Variants in COMMD10 observed in about 807,000 individuals in gnomAD.
COMMD10 encodes COMM domain-containing protein 10.
COMMD10 carries 33 observed loss-of-function variants against 28.9 expected under a neutral mutation model. That is an observed-to-expected ratio of 1.14 (90% CI 0.87 to 1.53). The LOEUF (loss-of-function observed/expected upper bound fraction) is 1.53, where lower values mean the gene tolerates loss of function less well. COMMD10 is among the 40% of genes most tolerant of loss of function. The pLI, the probability that COMMD10 is intolerant of heterozygous loss-of-function variation, is 0.00. For missense variants in COMMD10, 310 were observed against 233.4 expected, an observed-to-expected ratio of 1.33 and a Z score of -2.14; for synonymous variants, 110 against 81.7, an observed-to-expected ratio of 1.35 and a Z score of -1.87.
intron 4 of COMMD10, among the ~76,000 whole-genome samples, chr5:116,095,671 T>C (rs1223070900): frequency 6.6e-6 from 1 of 152,132 alleles, no homozygotes; most frequent in Non-Finnish European, 1.5e-5. Context: ...TTCATGAACC[T>C]ACTTCTGGTT....
intron 5 of COMMD10, among the ~76,000 whole-genome samples, chr5:116,214,161 C>G (rs1484777184): frequency 6.6e-6 from 1 of 151,996 alleles, no homozygotes; most frequent in South Asian, 2.1e-4. Flanking sequence ...CTTTCTGGAC[C>G]TTTGTATTGC....
chr5:116,128,693 A>G (rs569222464), intron 4 of COMMD10, among the ~76,000 whole-genome samples: 73 of 151,984 alleles, frequency 4.8e-4, no homozygotes, highest in Non-Finnish European at 7.1e-4. Context: ...AATGCCTACT[A>G]TAGGTCTGGC....
intron 5 of COMMD10, among the ~76,000 whole-genome samples, chr5:116,152,468 C>G (rs1248173485): frequency 6.6e-6 from 1 of 152,050 alleles, no homozygotes; most frequent in African/African-American, 2.4e-5. Context: ...ACTATATCAT[C>G]ATCCTCAATT....
At chr5:116,287,830 A>G (rs542573942) in intron 5 of COMMD10, among the ~76,000 whole-genome samples, 1 of 151,818 alleles carries the variant, frequency 6.6e-6, no homozygotes, top group African/African-American at 2.4e-5. Flanking sequence ...CTAATCACAT[A>G]TGAAAACTTT....
rs929920771 is a variant in COMMD10 at position 116,192,266 on chromosome 5, C to T, written c.510+58088C>T. Among the ~76,000 whole-genome samples, 115 of 120,232 alleles carry T rather than the reference C, an allele frequency of 9.6e-4. 3 individuals carry two copies. The South Asian group carries it at 0.028, about 30-fold the overall frequency. 78.9% of individuals were successfully genotyped at this position (120,232 alleles called of 152,430 possible). A position where few individuals can be genotyped will look rare whatever the true frequency, so the allele number is the denominator to read the frequency against. ...ACAAAAGAAGGCTCTTTAACAACCC[C>T]CCCCCCCAAAAATAACACTAGTTCA... On this transcript the variant is annotated intron_variant, in intron 5 of 6. Transcript: ENST00000274458.
intron 5 of COMMD10, among the ~76,000 whole-genome samples, chr5:116,189,616 G>T (rs1369330450): frequency 1.3e-5 from 2 of 152,176 alleles, no homozygotes. Context: ...TGGAAAAATT[G>T]GCCTTAATCC....
intron 4 of COMMD10, among the ~76,000 whole-genome samples, chr5:116,123,420 G>A (rs191911104): frequency 9.2e-5 from 14 of 152,188 alleles, no homozygotes; most frequent in East Asian, 1.9e-4. Flanking sequence ...GGATGAAGCC[G>A]ACTTGATTGT....
chr5:116,194,498 A>T (rs1748456109), intron 5 of COMMD10, among the ~76,000 whole-genome samples: 1 of 152,280 alleles, frequency 6.6e-6, no homozygotes, highest in East Asian at 1.9e-4. Flanking sequence ...TACAACTGAC[A>T]CTCCTGAACT....
chr5:116,199,969 C>T (rs1748622975), intron 5 of COMMD10, among the ~76,000 whole-genome samples: 1 of 150,498 alleles, frequency 6.6e-6, no homozygotes. Flanking sequence ...TTACTCTACT[C>T]TTTTTGTATT....
chr5:116,271,118 A>T (rs1043182415), intron 5 of COMMD10, among the ~76,000 whole-genome samples: 4 of 151,076 alleles, frequency 2.6e-5, no homozygotes, highest in Non-Finnish European at 2.9e-5. Flanking sequence ...CTAGAAATAT[A>T]TGATCATAAA....
intron 4 of COMMD10, among the ~76,000 whole-genome samples, chr5:116,110,292 G>A (rs556791774): frequency 6.6e-6 from 1 of 152,268 alleles, no homozygotes; most frequent in Admixed American, 6.5e-5. Flanking sequence ...GTTTAGGACT[G>A]TTGTGTCTAT....
chr5:116,255,776 A>G (rs994119646), intron 5 of COMMD10: 2 of 151,122 alleles, frequency 1.3e-5, no homozygotes, highest in Non-Finnish European at 2.9e-5. Flanking sequence ...AAAAGATACA[A>G]CCCATGAGTG....
At chr5:116,219,039 G>C (rs1749176371) in intron 5 of COMMD10, among the ~76,000 whole-genome samples, 1 of 152,064 alleles carries the variant, frequency 6.6e-6, no homozygotes, top group South Asian at 2.1e-4. Flanking sequence ...GTAAGAAAAA[G>C]ACTAGCTACC....
At chr5:116,224,470 G>C (rs1331763775) in intron 5 of COMMD10, among the ~76,000 whole-genome samples, 1 of 152,194 alleles carries the variant, frequency 6.6e-6, no homozygotes, top group Non-Finnish European at 1.5e-5. Flanking sequence ...GCTCTCATCT[G>C]CTTCTGGTAA....
chr5:116,173,294 G>A (rs1029278150), intron 5 of COMMD10, among the ~76,000 whole-genome samples: 2 of 151,948 alleles, frequency 1.3e-5, no homozygotes, highest in South Asian at 2.1e-4. Flanking sequence ...ATATATCAGC[G>A]TTATTTCTAT....
chr5:116,220,832 T>A (rs1397042823), intron 5 of COMMD10, among the ~76,000 whole-genome samples: 1 of 152,110 alleles, frequency 6.6e-6, no homozygotes, highest in Non-Finnish European at 1.5e-5. Flanking sequence ...GACCATCTTT[T>A]AAATGAAACC....
intron 5 of COMMD10, among the ~76,000 whole-genome samples, chr5:116,193,015 C>A (rs1297287201): frequency 1.3e-5 from 2 of 152,204 alleles, no homozygotes; most frequent in African/African-American, 4.8e-5. Flanking sequence ...CTTCAGCCTC[C>A]TCACACAAAA....
chr5:116,128,937 A>G (rs958655719), intron 4 of COMMD10, among the ~76,000 whole-genome samples: 4 of 151,896 alleles, frequency 2.6e-5, no homozygotes, highest in African/African-American at 9.7e-5. Flanking sequence ...CTTGATGTTC[A>G]TTAGCCACTT....
At chr5:116,204,296 C>G (rs1440857516) in intron 5 of COMMD10, among the ~76,000 whole-genome samples, 4 of 152,154 alleles carry the variant, frequency 2.6e-5, no homozygotes, top group African/African-American at 9.7e-5. Context: ...TAATGGAAGA[C>G]TTTAAATTAT....
Sources: allele counts gnomAD v4.1 joint callset (sites outside exome capture counted in the v4.1 genomes callset), GRCh38; gene constraint gnomAD v4.1.1; transcripts MANE v1.5; gene names NCBI Gene and HGNC (gene_info 2026-07-23, HGNC 2026-07-21).